CEPT1: variants seen among roughly 807,000 people sequenced by gnomAD.
CEPT1 encodes the protein choline/ethanolaminephosphotransferase 1.
CEPT1 carries 7 observed loss-of-function variants against 42.6 expected under a neutral mutation model. That is an observed-to-expected ratio of 0.16 (90% CI 0.09 to 0.31). The LOEUF is 0.31. Among genes scored for constraint, CEPT1 ranks in the 10% least tolerant of loss-of-function variants. CEPT1 has a pLI of 1.00. For missense variants in CEPT1, 306 were observed against 502.1 expected, an observed-to-expected ratio of 0.61 and a Z score of 3.73; for synonymous variants, 171 against 171.9, an observed-to-expected ratio of 0.99 and a Z score of 0.04.
chr1:111,182,293 T>G lies in CEPT1; in HGVS notation c.821T>G (p.Val274Gly), dbSNP rs139289619. Reference protein sequence around the residue: ...NYFRVIFTGGVGKNGSTIAGT... With the variant: ...NYFRVIFTGGGGKNGSTIAGT... ...TTCCGTGTAATCTTCACAGGTGGTG[T>G]TGGCAAAAATGGATCAACAATAGCA... The change falls in exon 6 of 9, where the codon GTT becomes GGT. Residue 274 changes from valine to glycine, a missense_variant. Val to Gly is a moderately radical substitution (Grantham distance 109, BLOSUM62 -3). Coordinates refer to ENST00000357172, the MANE Select transcript of CEPT1 (RefSeq NM_006090.5). 7.7e-4 allele frequency: 1,236 copies of G among 1,613,062 alleles called. 6 individuals are homozygous for G. The highest frequency in any genetic ancestry group is 2.4e-4 in the Non-Finnish European group (284 of 1,179,476).
At chr1:111,159,039 A>G (rs1327504487) in intron 2 of CEPT1, among the ~76,000 whole-genome samples, 1 of 143,320 alleles carries the variant, frequency 7.0e-6, no homozygotes, top group African/African-American at 2.6e-5. Flanking sequence ...TCAGCCTCCC[A>G]AGTAGCTAGG....
At chr1:111,144,280 G>A (rs1654830516) in intron 1 of CEPT1, among the ~76,000 whole-genome samples, 1 of 152,178 alleles carries the variant, frequency 6.6e-6, no homozygotes, top group South Asian at 2.1e-4. Context: ...GGTAGTGACT[G>A]CAAACTCTGT....
intron 4 of CEPT1, among the ~76,000 whole-genome samples, chr1:111,165,044 C>CTTTTTTTTTTTT (rs11323094): frequency 1.2e-5 from 1 of 83,972 alleles, no homozygotes; most frequent in African/African-American, 5.0e-5. Flanking sequence ...AAACATCGGT[C>CTTTTTTTTTTTT]TTTTTTTTTT....
At chr1:111,160,972 A>T in intron 3 of CEPT1, 183 bp from the exon 4 acceptor site, 30 of 557,474 alleles carry the variant, frequency 5.4e-5, no homozygotes, top group Non-Finnish European at 6.2e-5. Flanking sequence ...AAAAAAAAAG[A>T]GAGATTGAAA....
chr1:111,170,783 G>T (rs187763443), intron 4 of CEPT1, among the ~76,000 whole-genome samples: 88 of 152,192 alleles, frequency 5.8e-4, no homozygotes, highest in Admixed American at 2.6e-3. Context: ...TCAAATAGAT[G>T]ATTTTTTTAA....
chr1:111,169,303 A>G (rs1230705402), intron 4 of CEPT1, among the ~76,000 whole-genome samples: 1 of 152,162 alleles, frequency 6.6e-6, no homozygotes, highest in Non-Finnish European at 1.5e-5. Context: ...GCCTAGATTT[A>G]TAGATTTATA....
chr1:111,148,219 T>C (rs1174068912), intron 2 of CEPT1, among the ~76,000 whole-genome samples, 166 bp downstream of exon 2: 10 of 152,216 alleles, frequency 6.6e-5, no homozygotes, highest in Non-Finnish European at 2.9e-5. Context: ...ACACACTTGC[T>C]TATTGGAAAC....
At chr1:111,161,532 A>C (rs1655874544) in intron 4 of CEPT1, among the ~76,000 whole-genome samples, 1 of 152,198 alleles carries the variant, frequency 6.6e-6, no homozygotes, top group Non-Finnish European at 1.5e-5. Flanking sequence ...CAATACAAAA[A>C]GCAGTAGCCC....
chr1:111,179,014 A>G (rs1265222059), intron 5 of CEPT1: 1 of 152,214 alleles, frequency 6.6e-6, no homozygotes, highest in African/African-American at 2.4e-5. Flanking sequence ...GCATTCCCAC[A>G]TTCTTTGGAG....
At chr1:111,167,459 T>C (rs1656195857) in intron 4 of CEPT1, 3 of 864,148 alleles carry the variant, frequency 3.5e-6, no homozygotes, top group South Asian at 5.3e-5. Context: ...ATTATTTTTA[T>C]TCTATGTACT....
chr1:111,173,238 A>G (rs982296129), intron 4 of CEPT1: 3 of 152,016 alleles, frequency 2.0e-5, no homozygotes. Context: ...AATTCCCCTT[A>G]TTGGCAACAC....
intron 4 of CEPT1, among the ~76,000 whole-genome samples, chr1:111,171,888 G>A (rs1356459199): frequency 6.6e-6 from 1 of 152,114 alleles, no homozygotes; most frequent in Non-Finnish European, 1.5e-5. Context: ...ACAGGCATGC[G>A]CCACCACACC....
At chr1:111,160,981 A>G in intron 3 of CEPT1, 174 bp from the exon 4 acceptor site, 1 of 658,216 alleles carries the variant, frequency 1.5e-6, no homozygotes, top group Non-Finnish European at 2.5e-6. Flanking sequence ...GAGAGATTGA[A>G]ATTATGGGGT....
intron 8 of CEPT1, 129 bp from the exon 9 acceptor site, chr1:111,184,062 G>A (rs981278449): frequency 1.0e-6 from 1 of 974,412 alleles, no homozygotes; most frequent in African/African-American, 1.6e-5. Context: ...AGGAAAGATT[G>A]CAAGGAAATT....
intron 2 of CEPT1, among the ~76,000 whole-genome samples, chr1:111,155,547 G>T (rs1557927333): frequency 6.6e-6 from 1 of 151,052 alleles, no homozygotes; most frequent in African/African-American, 2.4e-5. Flanking sequence ...CTTTTTTGGG[G>T]GTTTTTTTTG....
chr1:111,157,491 T>C lies in CEPT1; in HGVS notation c.340-1889T>C, dbSNP rs113656976. On this transcript the variant is annotated intron_variant, in intron 2 of 8. Coordinates refer to ENST00000357172, the MANE Select transcript of CEPT1 (RefSeq NM_006090.5). ...TTAATTTTATTTAATATTAATTAAT[T>C]TCAAATAGTCACAGATGACTGATGG... Among the ~76,000 whole-genome samples, 494 of 152,304 alleles carry C rather than the reference T, an allele frequency of 3.2e-3. 3 individuals are homozygous for C. Among genetic ancestry groups the C allele is most frequent in the Middle Eastern group, 0.017 (5 of 294 alleles).
At chr1:111,164,049 A>G (rs949275091) in intron 4 of CEPT1, among the ~76,000 whole-genome samples, 64 of 152,206 alleles carry the variant, frequency 4.2e-4, no homozygotes, top group African/African-American at 1.4e-3. Flanking sequence ...ACTTCATAAA[A>G]TAGAATGTTT....
intron 2 of CEPT1, among the ~76,000 whole-genome samples, chr1:111,157,436 T>G (rs1655629930): frequency 6.6e-6 from 1 of 152,230 alleles, no homozygotes; most frequent in Non-Finnish European, 1.5e-5. Flanking sequence ...GCATTCAAAA[T>G]CTACCTAGTG....
At chr1:111,151,669 A>G (rs1655284989) in intron 2 of CEPT1, among the ~76,000 whole-genome samples, 1 of 152,150 alleles carries the variant, frequency 6.6e-6, no homozygotes, top group Admixed American at 6.6e-5. Flanking sequence ...GTCCTTAGAG[A>G]CAATAGATGA....
Sources: gnomAD v4.1 joint callset for allele counts (sites outside exome capture counted in the v4.1 genomes callset) on GRCh38, gnomAD v4.1.1 for gene constraint, MANE v1.5 for transcripts, NCBI Gene and HGNC (gene_info 2026-07-23, HGNC 2026-07-21) for gene names.